Variants in VRTN observed in about 807,000 individuals in gnomAD.
VRTN encodes vertebrae development associated.
A neutral mutation model predicts 18.2 loss-of-function variants in VRTN; 5 were observed. That is an observed-to-expected ratio of 0.27 (90% CI 0.14 to 0.58). VRTN has a LOEUF of 0.58. VRTN is among the 20% of genes least tolerant of loss of function. The pLI is 0.91. For missense variants in VRTN, 741 were observed against 939.4 expected, an observed-to-expected ratio of 0.79 and a Z score of 2.76; for synonymous variants, 381 against 393.7, an observed-to-expected ratio of 0.97 and a Z score of 0.38.
intron 1 of VRTN, among the ~76,000 whole-genome samples, chr14:74,307,357 T>G (rs1269251798): frequency 2.0e-5 from 3 of 152,154 alleles, no homozygotes; most frequent in African/African-American, 7.2e-5. Flanking sequence ...CTCAAACTCC[T>G]TACCTCAGTT....
chr14:74,324,927 C>T (rs1054156900), intron 1 of VRTN, among the ~76,000 whole-genome samples: 1 of 151,790 alleles, frequency 6.6e-6, no homozygotes, highest in Admixed American at 6.6e-5. Flanking sequence ...TAAATAAATA[C>T]ATTCTCATTC....
In VRTN at chr14:74,358,291, C is replaced by G; in HGVS notation, c.1508C>G (p.Pro503Arg). ...GGGGAGCTCCTGCCACTAAGGATGCCCCTGTCCCGTTGGCAGAGGCGTCTG... is the reference window on the plus strand; with the variant it reads ...GGGGAGCTCCTGCCACTAAGGATGCGCCTGTCCCGTTGGCAGAGGCGTCTG... ...APGELLPLRM[P>R]LSRWQRRLRR... Residue 503 changes from proline to arginine, a missense_variant, in exon 2 of 2, where the codon CCC becomes CGC. Coordinates refer to ENST00000256362, the MANE Select transcript of VRTN (RefSeq NM_018228.3). The surrounding 1 kb of genome is among the most constrained non-coding windows in gnomAD (Gnocchi z 5.4). 1 of 1,611,428 alleles carries G rather than the reference C, an allele frequency of 6.2e-7. No homozygotes were observed. Among genetic ancestry groups the G allele is most frequent in the Non-Finnish European group, 8.5e-7 (1 of 1,178,432 alleles).
upstream of VRTN, among the ~76,000 whole-genome samples, chr14:74,344,692 G>A (rs946124905): frequency 2.3e-5 from 3 of 129,806 alleles, no homozygotes; most frequent in African/African-American, 6.2e-5. Flanking sequence ...CTGAGATCGC[G>A]GCACTGCACT....
At chr14:74,340,784 T>A (rs2085599902) in intron 2 of VRTN, among the ~76,000 whole-genome samples, 1 of 152,206 alleles carries the variant, frequency 6.6e-6, no homozygotes, top group Non-Finnish European at 1.5e-5. Context: ...GGAGTCTTGC[T>A]CTGTCGCCCA....
At chr14:74,324,101 A>T (rs941331202) in intron 1 of VRTN, among the ~76,000 whole-genome samples, 2 of 152,090 alleles carry the variant, frequency 1.3e-5, no homozygotes, top group African/African-American at 4.8e-5. Context: ...TAAATAAGCT[A>T]TAAGAGGCCG....
At chr14:74,332,418 G>T (rs978331574) in intron 1 of VRTN, among the ~76,000 whole-genome samples, 7 of 134,056 alleles carry the variant, frequency 5.2e-5, no homozygotes, top group Admixed American at 2.6e-4. Flanking sequence ...GAAGTGGCGC[G>T]ATCTCGGCTC....
chr14:74,331,133 C>T (rs1233729965), intron 1 of VRTN, among the ~76,000 whole-genome samples: 8 of 151,680 alleles, frequency 5.3e-5, no homozygotes, highest in South Asian at 2.1e-4. Flanking sequence ...ACCCGGGAGG[C>T]GGAGCTTGCA....
chr14:74,339,980 G>A (rs902901870), intron 2 of VRTN, among the ~76,000 whole-genome samples: 1 of 152,170 alleles, frequency 6.6e-6, no homozygotes, highest in African/African-American at 2.4e-5. Context: ...CTGCTGCCCA[G>A]GCTAGAGTGC....
intron 1 of VRTN, among the ~76,000 whole-genome samples, chr14:74,329,479 G>C (rs545996837): frequency 6.6e-6 from 1 of 152,170 alleles, no homozygotes; most frequent in African/African-American, 2.4e-5. Flanking sequence ...GCCCTGGCTG[G>C]TCTTGAACTC....
At chr14:74,345,066 G>T (rs573953720), upstream of VRTN, among the ~76,000 whole-genome samples, 4 of 151,820 alleles carry the variant, frequency 2.6e-5, no homozygotes, top group East Asian at 7.7e-4. Flanking sequence ...TTATTTTTTT[G>T]AGACAAGGTC....
At chr14:74,323,399 CATGGT>C (rs1324001857) in intron 1 of VRTN, among the ~76,000 whole-genome samples, 2 of 151,840 alleles carry the variant, frequency 1.3e-5, no homozygotes, top group African/African-American at 4.8e-5. Flanking sequence ...GCCTGGCCAA[CATGGT>C]GAAACCCCAT....
Position 74,358,025 on chromosome 14 carries a change from C to T in VRTN, c.1242C>T (p.Ser414=), listed in dbSNP as rs2232035. 2,012 of 1,614,226 alleles carry T rather than the reference C, an allele frequency of 1.2e-3. 38 individuals are homozygous for T. In the East Asian group the frequency reaches 0.038, roughly 30 times the overall value. ...RAKLYLEHCI[S]LNTLVPYRCF... ...AGTTGTACCTGGAGCATTGCATCTC[C>T]CTGAACACACTGGTACCCTATCGCT... is the stretch of plus-strand genomic sequence containing the variant. The change falls in exon 2 of 2, where the codon TCC becomes TCT. Residue 414 remains serine (S), a synonymous_variant. Coordinates refer to ENST00000256362, the MANE Select transcript of VRTN (RefSeq NM_018228.3). This position sits in a 1 kb window ranked among gnomAD's most constrained non-coding sequence, Gnocchi z 5.4.
intron 1 of VRTN, among the ~76,000 whole-genome samples, chr14:74,349,451 C>T (rs2140210712): frequency 6.6e-6 from 1 of 152,284 alleles, no homozygotes. Context: ...GAACCCACAG[C>T]CTTACTGAGA....
intron 1 of VRTN, among the ~76,000 whole-genome samples, chr14:74,308,994 C>G (rs1455359514): frequency 1.3e-5 from 2 of 152,052 alleles, no homozygotes; most frequent in African/African-American, 2.4e-5. Flanking sequence ...TCTCGAGTAG[C>G]TGGGATTACA....
intron 1 of VRTN, among the ~76,000 whole-genome samples, chr14:74,326,348 G>A (rs1299961106): frequency 3.3e-5 from 5 of 152,152 alleles, no homozygotes; most frequent in Admixed American, 1.3e-4. Context: ...TAGAAAATGG[G>A]AATTTGGGGA....
upstream of VRTN, chr14:74,303,016 T>C: frequency 8.0e-7 from 1 of 1,244,138 alleles, no homozygotes; most frequent in Non-Finnish European, 1.1e-6. Flanking sequence ...CGGCGTTTGA[T>C]AGAGAGGAAG....
chr14:74,328,214 C>G (rs2085499831), intron 1 of VRTN, among the ~76,000 whole-genome samples: 1 of 152,116 alleles, frequency 6.6e-6, no homozygotes, highest in African/African-American at 2.4e-5. Flanking sequence ...AGACCCTGTG[C>G]CCTGGCCACC....
intron 1 of VRTN, among the ~76,000 whole-genome samples, chr14:74,309,681 A>C (rs886931621): frequency 3.9e-5 from 6 of 152,282 alleles, no homozygotes; most frequent in African/African-American, 1.4e-4. Flanking sequence ...TGGGCAACAC[A>C]GCGAGACCTC....
chr14:74,338,820 G>A (rs911238425), intron 2 of VRTN, among the ~76,000 whole-genome samples: 32 of 152,192 alleles, frequency 2.1e-4, no homozygotes, highest in African/African-American at 7.5e-4. Flanking sequence ...CGCCTCCTGG[G>A]TTCAAGCAAT....
Sources: gnomAD v4.1 joint callset for allele counts (sites outside exome capture counted in the v4.1 genomes callset) on GRCh38, gnomAD v4.1.1 for gene constraint, Gnocchi (gnomAD v3.1) non-coding constraint, MANE v1.5 for transcripts, NCBI Gene and HGNC (gene_info 2026-07-23, HGNC 2026-07-21) for gene names.